Variants in OGG1 observed in about 807,000 individuals in gnomAD.
OGG1 encodes the protein 8-oxoguanine DNA glycosylase, also known as N-glycosylase/DNA lyase.
OGG1 carries 35 observed loss-of-function variants against 42.3 expected under a neutral mutation model. The ratio of observed to expected loss-of-function variants is 0.83; its 90% CI spans 0.63 to 1.10. The LOEUF (loss-of-function observed/expected upper bound fraction) is 1.10, where lower values mean the gene tolerates loss of function less well. Ranked by LOEUF, OGG1 falls within the 50% of genes least tolerant of loss-of-function variation. The probability of loss-of-function intolerance (pLI) is 0.00; values close to 1 mark genes in which losing one functional copy is unlikely to be tolerated. For synonymous variants in OGG1, 189 were observed against 179.0 expected (o/e 1.06, Z -0.44); for missense variants, 484 against 446.7 (o/e 1.08, Z -0.75).
intron 3 of OGG1, chr3:9,785,476 T>C (rs764740940): frequency 2.4e-6 from 3 of 1,259,152 alleles, no homozygotes; most frequent in South Asian, 2.5e-5. Context: ...TCCACTTTCC[T>C]GCTCCTTTCT....
intron 2 of OGG1, among the ~76,000 whole-genome samples, chr3:9,751,465 T>C (rs2077299885): frequency 6.6e-6 from 1 of 152,166 alleles, no homozygotes; most frequent in Admixed American, 6.5e-5. Flanking sequence ...TTTCATTCAT[T>C]CTGTAAATAT....
chr3:9,787,029 G>A lies in OGG1; in HGVS notation c.383-699G>A, dbSNP rs1191797172. On this transcript the variant is annotated intron_variant, in intron 3 of 3. Transcript: ENST00000426518. ...ACCTCCACCAGGGCCTGCAGGAGGC[G>A]CTGCGTCAGGGCACCAAAGGGGCAT... 9 of 1,614,180 alleles carry A rather than the reference G, an allele frequency of 5.6e-6. No individual in the cohort carries two copies. Among genetic ancestry groups the A allele is most frequent in the Admixed American group, 1.7e-5 (1 of 60,020 alleles).
chr3:9,783,143 C>A (rs1377601441), intron 3 of OGG1: 1 of 152,128 alleles, frequency 6.6e-6, no homozygotes, highest in Non-Finnish European at 1.5e-5. Flanking sequence ...GGAGAATATA[C>A]TGATGTTTAT....
At chr3:9,762,468 C>G (rs1182598389) in intron 7 of OGG1, 1 of 159,548 alleles carries the variant, frequency 6.3e-6, no homozygotes, top group Admixed American at 6.2e-5. Flanking sequence ...CCTCTGCCTC[C>G]CGGGTCCAAG....
At chr3:9,787,551 A>G in intron 3 of OGG1, 1 of 962,766 alleles carries the variant, frequency 1.0e-6, no homozygotes, top group Middle Eastern at 2.2e-4. Flanking sequence ...TAAGACACAC[A>G]CACAGAAGCC....
intron 3 of OGG1, among the ~76,000 whole-genome samples, chr3:9,754,099 C>G (rs1354749271): frequency 6.6e-6 from 1 of 152,326 alleles, no homozygotes; most frequent in South Asian, 2.1e-4. Flanking sequence ...GAGATTGTGC[C>G]ACTGCATTCC....
chr3:9,750,562 C>G (rs1019169867), intron 1 of OGG1, 139 bp downstream of exon 1: 7 of 1,153,978 alleles, frequency 6.1e-6, no homozygotes, highest in Admixed American at 2.0e-5. Flanking sequence ...CACGGGTAGC[C>G]AACCTGTTAC....
downstream of OGG1, chr3:9,760,437 G>A (rs2077800224): frequency 2.0e-6 from 1 of 503,212 alleles, no homozygotes. Context: ...TATGTTTGAA[G>A]ATTGAACAAA....
downstream of OGG1, chr3:9,758,848 T>A: frequency 3.0e-6 from 1 of 333,786 alleles, no homozygotes; most frequent in Non-Finnish European, 5.8e-6. Context: ...CAGGATGGTC[T>A]TGAACTCCTG....
At chr3:9,784,480 TTATA>T (rs1465796987) in intron 3 of OGG1, among the ~76,000 whole-genome samples, 1 of 152,154 alleles carries the variant, frequency 6.6e-6, no homozygotes, top group African/African-American at 2.4e-5. Flanking sequence ...TTATATATTA[TTATA>T]TATATTCCAG....
intron 3 of OGG1, chr3:9,787,340 T>C: frequency 6.2e-7 from 1 of 1,607,136 alleles, no homozygotes; most frequent in Non-Finnish European, 8.5e-7. Flanking sequence ...AGGGGTGGGA[T>C]CTGTGGAAAA....
In OGG1 at chr3:9,754,745, T is replaced by C. The variant is rs2077457656; in HGVS notation, c.607T>C (p.Tyr203His). The C allele has an allele frequency of 1.9e-6, 3 of 1,614,192 alleles. No individual in the cohort carries two copies. Among genetic ancestry groups the C allele is most frequent in the African/African-American group, 2.7e-5 (2 of 75,066 alleles). Residue 203 changes from tyrosine (Y) to histidine (H), a missense_variant, in exon 4 of 7, where the codon TAT becomes CAT. Tyr to His is a moderately conservative substitution (Grantham distance 83). Coordinates refer to ENST00000344629, the MANE Select transcript of OGG1 (RefSeq NM_002542.6). Reference sequence around the variant, plus strand: ...TCATCTCAGGAAGCTGGGCCTGGGCTATCGTGCCCGTTACGTGAGTGCCAG... The same window carrying C: ...TCATCTCAGGAAGCTGGGCCTGGGCCATCGTGCCCGTTACGTGAGTGCCAG... The part of the protein sequence containing the change: ...EAHLRKLGLG[Y>H]RARYVSASAR...
downstream of OGG1, among the ~76,000 whole-genome samples, chr3:9,790,812 A>G (rs983945190): frequency 6.6e-6 from 1 of 152,208 alleles, no homozygotes; most frequent in Admixed American, 6.5e-5. Context: ...AACTTTCTCA[A>G]AGTCACATAG....
At chr3:9,752,178 G>GA (rs1390830113) in intron 3 of OGG1, 6 of 588,986 alleles carry the variant, frequency 1.0e-5, no homozygotes, top group Non-Finnish European at 1.8e-5. Flanking sequence ...TGCCTAATCA[G>GA]AAAAATATCT....
chr3:9,750,594 A>G, intron 1 of OGG1, 171 bp downstream of exon 1: 1 of 886,076 alleles, frequency 1.1e-6, no homozygotes, highest in Non-Finnish European at 1.8e-6. Flanking sequence ...CTGTACAGTG[A>G]TAATTGTAAG....
intron 2 of OGG1, among the ~76,000 whole-genome samples, chr3:9,772,968 G>A (rs2078319884): frequency 6.6e-6 from 1 of 152,152 alleles, no homozygotes; most frequent in Non-Finnish European, 1.5e-5. Context: ...ATCAAAAAGT[G>A]AGTGAAGGGC....
intron 2 of OGG1, 152 bp from the exon 3 acceptor site, chr3:9,751,618 G>A: frequency 1.3e-6 from 1 of 780,244 alleles, no homozygotes; most frequent in East Asian, 2.5e-5. Flanking sequence ...TATGAGGAAT[G>A]AGAGGTCTGG....
chr3:9,778,618 CT>C (rs1388214657), intron 2 of OGG1, among the ~76,000 whole-genome samples: 1 of 152,134 alleles, frequency 6.6e-6, no homozygotes, highest in East Asian at 1.9e-4. Flanking sequence ...GAGCAGGTCA[CT>C]GGGGTAGACT....
intron 3 of OGG1, among the ~76,000 whole-genome samples, chr3:9,785,946 T>G (rs1484117149): frequency 1.3e-5 from 2 of 151,294 alleles, no homozygotes; most frequent in Non-Finnish European, 2.9e-5. Flanking sequence ...TGTTTTGTTT[T>G]TTTTTTTTGA....
Sources: allele counts gnomAD v4.1 joint callset (sites outside exome capture counted in the v4.1 genomes callset), GRCh38; gene constraint gnomAD v4.1.1; transcripts MANE v1.5; gene names NCBI Gene and HGNC (gene_info 2026-07-23, HGNC 2026-07-21).